The following TMEM108 variants were observed in gnomAD, a reference collection of about 807,000 sequenced individuals.
TMEM108 encodes the protein cancer/testis antigen 124.
TMEM108 carries 12 observed loss-of-function variants against 35.1 expected under a neutral mutation model. The ratio of observed to expected loss-of-function variants is 0.34; its 90% confidence interval spans 0.22 to 0.55. The LOEUF (loss-of-function observed/expected upper bound fraction) is 0.55. TMEM108 is among the 20% of genes least tolerant of loss of function. TMEM108 has a pLI of 0.89. For missense variants in TMEM108, 680 were observed against 753.3 expected (o/e 0.90, Z 1.14); for synonymous variants, 287 against 308.6 (o/e 0.93, Z 0.73).
intron 5 of TMEM108, among the ~76,000 whole-genome samples, chr3:133,394,506 G>GT (rs1321188367): frequency 1.3e-5 from 2 of 151,204 alleles, no homozygotes; most frequent in Non-Finnish European, 2.9e-5. Context: ...TGCTTTGGTT[G>GT]TTTCCTGAAT....
intron 2 of TMEM108, among the ~76,000 whole-genome samples, chr3:133,205,460 T>G (rs1945738917): frequency 6.6e-6 from 1 of 152,198 alleles, no homozygotes; most frequent in African/African-American, 2.4e-5. Flanking sequence ...CCTTTCCATA[T>G]TTAGTGCTTC....
At chr3:133,244,609 T>C (rs1946359479) in intron 3 of TMEM108, among the ~76,000 whole-genome samples, 2 of 152,260 alleles carry the variant, frequency 1.3e-5, no homozygotes, top group Admixed American at 1.3e-4. Context: ...GGTATTTTAT[T>C]CTTTCCCTGG....
intron 3 of TMEM108, among the ~76,000 whole-genome samples, chr3:133,293,000 A>G (rs954382664): frequency 6.6e-6 from 1 of 152,176 alleles, no homozygotes; most frequent in African/African-American, 2.4e-5. Flanking sequence ...AGGTGAATGG[A>G]GCTTTGAGAG....
intron 3 of TMEM108, chr3:133,247,848 A>C (rs570970094): frequency 6.6e-6 from 1 of 152,218 alleles, no homozygotes; most frequent in Non-Finnish European, 1.5e-5. Context: ...AAGGCTTCAC[A>C]TAGAAAACTG....
intron 3 of TMEM108, among the ~76,000 whole-genome samples, chr3:133,357,144 A>T (rs2072196696): frequency 6.6e-6 from 1 of 152,234 alleles, no homozygotes; most frequent in South Asian, 2.1e-4. Flanking sequence ...ATTTCTCAAA[A>T]GAAGATATAC....
intron 2 of TMEM108, among the ~76,000 whole-genome samples, chr3:133,183,660 G>A (rs529368797): frequency 2.5e-4 from 38 of 152,238 alleles, no homozygotes; most frequent in African/African-American, 7.9e-4. Context: ...GGGAATTCAG[G>A]AAAACACCAC....
intron 2 of TMEM108, among the ~76,000 whole-genome samples, chr3:133,154,642 A>G: frequency 6.6e-6 from 1 of 152,000 alleles, no homozygotes; most frequent in East Asian, 1.9e-4. Flanking sequence ...GTTCTCACTC[A>G]TAGGTGGGAA....
chr3:133,149,083 G>A (rs1329514863), intron 2 of TMEM108, among the ~76,000 whole-genome samples: 3 of 152,104 alleles, frequency 2.0e-5, no homozygotes, highest in Admixed American at 2.0e-4. Context: ...CATCAGTCAA[G>A]CTGGACTTCA....
At chr3:133,205,767 CTG>C (rs1945743664) in intron 2 of TMEM108, among the ~76,000 whole-genome samples, 1 of 152,016 alleles carries the variant, frequency 6.6e-6, no homozygotes, top group South Asian at 2.1e-4. Flanking sequence ...AATCTGATGA[CTG>C]TATGTCTTGG....
At chr3:133,170,490 T>C (rs1016477507) in intron 2 of TMEM108, among the ~76,000 whole-genome samples, 2 of 152,308 alleles carry the variant, frequency 1.3e-5, no homozygotes, top group Non-Finnish European at 1.5e-5. Context: ...CCAAAACTAG[T>C]AAAATGTGGT....
chr3:133,063,278 CAG>C (rs1237812945), intron 2 of TMEM108, among the ~76,000 whole-genome samples: 6 of 152,184 alleles, frequency 3.9e-5, no homozygotes, highest in African/African-American at 1.4e-4. Context: ...TGAAGAGTGA[CAG>C]GGAACCAGGA....
chr3:133,142,231 T>C (rs1474932002), intron 2 of TMEM108, among the ~76,000 whole-genome samples: 1 of 152,184 alleles, frequency 6.6e-6, no homozygotes, highest in East Asian at 1.9e-4. Context: ...ACACCTAATA[T>C]AATATAATCC....
chr3:133,206,605 T>C (rs1195433715), intron 2 of TMEM108, among the ~76,000 whole-genome samples: 1 of 152,230 alleles, frequency 6.6e-6, no homozygotes. Flanking sequence ...CTCCAGATCC[T>C]CTTTGCCTGG....
chr3:133,109,669 G>A (rs1476226632), intron 2 of TMEM108, among the ~76,000 whole-genome samples: 2 of 152,148 alleles, frequency 1.3e-5, no homozygotes, highest in African/African-American at 4.8e-5. Context: ...GTAACTGTAA[G>A]AAATATTTAA....
At chr3:133,379,023 C>A (rs574543407) in intron 3 of TMEM108, among the ~76,000 whole-genome samples, 1 of 152,192 alleles carries the variant, frequency 6.6e-6, no homozygotes, top group South Asian at 2.1e-4. Context: ...TCTCTAGACC[C>A]CGGTCCTCTT....
chr3:133,292,943 A>C (rs952313880), intron 3 of TMEM108, among the ~76,000 whole-genome samples: 2 of 152,214 alleles, frequency 1.3e-5, no homozygotes, highest in South Asian at 4.1e-4. Context: ...AAGTTGGTAT[A>C]CTAGCATGCT....
chr3:133,364,997 G>T (rs1443176668), intron 3 of TMEM108, among the ~76,000 whole-genome samples: 1 of 152,196 alleles, frequency 6.6e-6, no homozygotes, highest in Non-Finnish European at 1.5e-5. Context: ...AAGCAAGGCA[G>T]CTCTTTTAAG....
rs1029780257 is a variant in TMEM108 at position 133,389,458 on chromosome 3, C to T, written c.1451-722C>T. ...CAGCACTTTAGGAGGCTGAGGCAGGCGGATTACCTGAGGTCAGGAGTTCGA... is the reference window on the plus strand; with the variant it reads ...CAGCACTTTAGGAGGCTGAGGCAGGTGGATTACCTGAGGTCAGGAGTTCGA... On this transcript the variant is annotated intron_variant, in intron 4 of 5. Transcript: ENST00000321871. 40 of 934,332 alleles carry T rather than the reference C, an allele frequency of 4.3e-5. No individual in the cohort carries two copies. The Admixed American group carries it at 7.4e-4, about 17-fold the overall frequency. 57.9% of individuals were successfully genotyped at this position (934,332 alleles called of 1,614,324 possible). A position where few individuals can be genotyped will look rare whatever the true frequency, so the allele number is the denominator to read the frequency against.
chr3:133,236,594 T>C (rs1576402312), intron 3 of TMEM108, among the ~76,000 whole-genome samples: 1 of 152,258 alleles, frequency 6.6e-6, no homozygotes, highest in Non-Finnish European at 1.5e-5. Flanking sequence ...GATGATCTGC[T>C]TCTCATGTGA....
Sources: gnomAD v4.1 joint callset for allele counts (sites outside exome capture counted in the v4.1 genomes callset) on GRCh38, gnomAD v4.1.1 for gene constraint, MANE v1.5 for transcripts, NCBI Gene and HGNC (gene_info 2026-07-23, HGNC 2026-07-21) for gene names.